Variants in CDH11 observed in about 807,000 individuals in gnomAD.
CDH11 encodes the protein cadherin 11, also known as cadherin-11.
In CDH11, 11 loss-of-function variants were observed where a neutral mutation model predicts 67.8. That is an observed-to-expected ratio of 0.16 (90% CI 0.10 to 0.27). The LOEUF is 0.27. Ranked by LOEUF, CDH11 falls within the 10% of genes least tolerant of loss-of-function variation. CDH11 has a pLI of 1.00. For missense variants in CDH11, 847 were observed against 1,031.2 expected (o/e 0.82, Z 2.45); for synonymous variants, 419 against 400.0 (o/e 1.05, Z -0.57).
At chr16:65,083,309 T>C (rs2074643609) in intron 1 of CDH11, among the ~76,000 whole-genome samples, 1 of 152,188 alleles carries the variant, frequency 6.6e-6, no homozygotes, top group Admixed American at 6.5e-5. Flanking sequence ...GAGACAGCCT[T>C]GCTTTACTCA....
At chr16:65,078,457 T>C (rs1015890313) in intron 1 of CDH11, among the ~76,000 whole-genome samples, 6 of 152,178 alleles carry the variant, frequency 3.9e-5, no homozygotes, top group Non-Finnish European at 1.5e-5. Context: ...CTTCGTATTA[T>C]ATCATTCCCC....
intron 2 of CDH11, among the ~76,000 whole-genome samples, chr16:65,045,329 G>GTATATGTATA (rs2073937316): frequency 1.6e-5 from 1 of 63,266 alleles, no homozygotes; most frequent in Non-Finnish European, 3.3e-5. Context: ...TCCCTCAAAA[G>GTATATGTATA]TATATATATA....
At chr16:64,990,730 C>A (rs2072609009) in intron 6 of CDH11, among the ~76,000 whole-genome samples, 1 of 152,150 alleles carries the variant, frequency 6.6e-6, no homozygotes, top group Non-Finnish European at 1.5e-5. Flanking sequence ...TTAATAATAA[C>A]CTTTCAAAAT....
At chr16:65,122,293 C>A, upstream of CDH11, 1 of 345,766 alleles carries the variant, frequency 2.9e-6, no homozygotes, top group Non-Finnish European at 5.3e-6. Flanking sequence ...GAGATGCTAA[C>A]CCCTGGATTC....
chr16:65,049,746 C>T (rs1202656736), intron 2 of CDH11, among the ~76,000 whole-genome samples: 1 of 152,148 alleles, frequency 6.6e-6, no homozygotes, highest in Non-Finnish European at 1.5e-5. Flanking sequence ...ACATTGTACA[C>T]ATTGAAGAGC....
chr16:65,030,279 A>C (rs911529313), intron 2 of CDH11, among the ~76,000 whole-genome samples: 3 of 152,218 alleles, frequency 2.0e-5, no homozygotes, highest in Admixed American at 6.5e-5. Flanking sequence ...GTATATCTAC[A>C]GTTTGGCGGA....
rs184537268 is a variant in CDH11 at position 65,085,682 on chromosome 16, T to C, written c.-297-31754A>G. Among the ~76,000 whole-genome samples, 411 of 152,276 alleles carry C rather than the reference T, an allele frequency of 2.7e-3. 2 individuals carry two copies. Among genetic ancestry groups the C allele is most frequent in the Non-Finnish European group, 4.5e-3 (307 of 68,012 alleles). On this transcript the variant is annotated intron_variant, in intron 1 of 12. Coordinates refer to ENST00000268603, the MANE Select transcript of CDH11 (RefSeq NM_001797.4). ...TGCTTTTTACTGAAGCTCACTACTTTTAGACACTATAATTACTCAAAATTT... is the reference window on the plus strand; with the variant it reads ...TGCTTTTTACTGAAGCTCACTACTTCTAGACACTATAATTACTCAAAATTT...
intron 1 of CDH11, among the ~76,000 whole-genome samples, chr16:65,079,678 T>C (rs1255635617): frequency 6.6e-6 from 1 of 152,238 alleles, no homozygotes; most frequent in Non-Finnish European, 1.5e-5. Context: ...GCCTGCAGAG[T>C]GTGTGCCCCA....
At chr16:65,016,398 A>G (rs2073309862) in intron 2 of CDH11, among the ~76,000 whole-genome samples, 1 of 152,190 alleles carries the variant, frequency 6.6e-6, no homozygotes, top group African/African-American at 2.4e-5. Flanking sequence ...ACAAACGCAG[A>G]GCATTTTCTG....
intron 7 of CDH11, among the ~76,000 whole-genome samples, chr16:64,983,621 T>C (rs1025312): frequency 0.31 from 46,510 of 152,010 alleles, 7,629 homozygotes; most frequent in South Asian, 0.5. Context: ...CTTGATACTT[T>C]TTCTATCATC....
intron 2 of CDH11, among the ~76,000 whole-genome samples, chr16:65,041,372 G>A (rs2142667076): frequency 7.5e-6 from 1 of 132,690 alleles, no homozygotes; most frequent in Middle Eastern, 3.8e-3. Context: ...CACAAGCTGT[G>A]AAGAATAATC....
Position 65,104,152 on chromosome 16 carries a change from C to T in CDH11, c.-298+17728G>A, listed in dbSNP as rs191683062. On this transcript the variant is annotated intron_variant, in intron 1 of 12. Transcript: ENST00000268603. ...CAGAGGTATGCAAATATGATTCCTGCTGGGAAGGAAAGTATTATCTATGCC... is the reference window on the plus strand; with the variant it reads ...CAGAGGTATGCAAATATGATTCCTGTTGGGAAGGAAAGTATTATCTATGCC... Among the ~76,000 whole-genome samples the T allele has an allele frequency of 2.1e-4, 32 of 152,218 alleles. 1 individual carries two copies. The highest frequency in any genetic ancestry group is 2.0e-3 in the Admixed American group (30 of 15,282).
chr16:65,057,638 G>A (rs2074167447), intron 1 of CDH11, among the ~76,000 whole-genome samples: 1 of 152,132 alleles, frequency 6.6e-6, no homozygotes, highest in Non-Finnish European at 1.5e-5. Flanking sequence ...TACGTGCAGA[G>A]CCATATCCTT....
intron 2 of CDH11, among the ~76,000 whole-genome samples, chr16:65,043,547 A>G (rs2073903439): frequency 6.6e-6 from 1 of 152,156 alleles, no homozygotes; most frequent in Admixed American, 6.5e-5. Flanking sequence ...TCAGCCCTCC[A>G]ATGTGAGCTG....
rs79894984 is a variant in CDH11 at position 65,026,921 on chromosome 16, C to T, written c.-172-21880G>A. Among the ~76,000 whole-genome samples, 486 of 152,236 alleles carry T rather than the reference C, an allele frequency of 3.2e-3. 4 individuals carry two copies. Among genetic ancestry groups the T allele is most frequent in the African/African-American group, 0.011 (444 of 41,546 alleles). ...AGGGAACTGTAGGAAGGCAGCCAGA[C>T]GATAAATATCTTCTAATAAATGGAC... is the stretch of plus-strand genomic sequence containing the variant. On this transcript the variant is annotated intron_variant, in intron 2 of 12. Coordinates refer to ENST00000268603, the MANE Select transcript of CDH11 (RefSeq NM_001797.4).
intron 2 of CDH11, among the ~76,000 whole-genome samples, chr16:65,026,260 T>G (rs2073532812): frequency 6.6e-6 from 1 of 152,142 alleles, no homozygotes; most frequent in African/African-American, 2.4e-5. Context: ...AGAAAAAAAT[T>G]TTCTGCAGCA....
chr16:65,093,315 C>T (rs1252997342), intron 1 of CDH11, among the ~76,000 whole-genome samples: 6 of 149,906 alleles, frequency 4.0e-5, no homozygotes, highest in Middle Eastern at 3.2e-3. Context: ...CCAAAGACTA[C>T]GAGGAGCACA....
chr16:65,019,162 T>C (rs140608127), intron 2 of CDH11, among the ~76,000 whole-genome samples: 41 of 152,310 alleles, frequency 2.7e-4, no homozygotes, highest in African/African-American at 9.9e-4. Context: ...AGAACCCAAA[T>C]ATGTCATTTT....
chr16:65,012,771 C>T (rs538263346), intron 2 of CDH11, among the ~76,000 whole-genome samples: 1 of 152,314 alleles, frequency 6.6e-6, no homozygotes, highest in African/African-American at 2.4e-5. Context: ...GTTATCAAAA[C>T]AGCAAACCTA....
Sources: gnomAD v4.1 joint callset for allele counts (sites outside exome capture counted in the v4.1 genomes callset) on GRCh38, gnomAD v4.1.1 for gene constraint, MANE v1.5 for transcripts, NCBI Gene and HGNC (gene_info 2026-07-23, HGNC 2026-07-21) for gene names.